Variants in CCNH observed in about 807,000 individuals in gnomAD.
The protein encoded by CCNH is cyclin-H.
Under a neutral mutation model 41.9 loss-of-function variants are expected in CCNH, and 31 were observed. The ratio of observed to expected loss-of-function variants is 0.74; its 90% CI spans 0.56 to 1.00. The LOEUF is 1.00. Ranked by LOEUF, CCNH falls within the 50% of genes least tolerant of loss-of-function variation. The probability of loss-of-function intolerance (pLI) is 0.00; values close to 1 mark genes in which losing one functional copy is unlikely to be tolerated. For synonymous variants in CCNH, 138 were observed against 136.1 expected (o/e 1.01, Z -0.10); for missense variants, 362 against 388.4 (o/e 0.93, Z 0.57).
At chr5:87,354,141 G>T (rs1172394101) in intron 9 of CCNH, among the ~76,000 whole-genome samples, 1 of 151,822 alleles carries the variant, frequency 6.6e-6, no homozygotes, top group Non-Finnish European at 1.5e-5. Context: ...TTGGTGGGGG[G>T]TGGGGTGGGA....
At chr5:87,346,347 A>G (rs889953779) in intron 9 of CCNH, among the ~76,000 whole-genome samples, 1 of 151,460 alleles carries the variant, frequency 6.6e-6, no homozygotes, top group Non-Finnish European at 1.5e-5. Flanking sequence ...TATCTGTACT[A>G]CTCCTCCTTC....
chr5:87,388,422 C>A (rs1194277195), downstream of CCNH, among the ~76,000 whole-genome samples: 1 of 152,130 alleles, frequency 6.6e-6, no homozygotes, highest in African/African-American at 2.4e-5. Context: ...AATCTGAAAT[C>A]TGAAATGCTA....
intron 9 of CCNH, chr5:87,349,390 T>TC: frequency 1.2e-6 from 2 of 1,609,592 alleles, no homozygotes; most frequent in East Asian, 4.5e-5. Context: ...TTAGCTATCT[T>TC]TTACTTTTCG....
At chr5:87,383,607 T>C (rs574278449) in intron 9 of CCNH, 81 of 794,682 alleles carry the variant, frequency 1.0e-4, no homozygotes, top group Middle Eastern at 7.4e-4. Context: ...GTGAATTTTA[T>C]GGGTTCTATG....
chr5:87,333,454 A>G (rs1757740998), intron 9 of CCNH: 3 of 1,469,598 alleles, frequency 2.0e-6, no homozygotes, highest in Non-Finnish European at 2.7e-6. Context: ...GCAAGGTGAA[A>G]GAGCTTTTGA....
chr5:87,312,422 TA>T, the CCNH span, among the ~76,000 whole-genome samples: 1 of 152,248 alleles, frequency 6.6e-6, no homozygotes, highest in Non-Finnish European at 1.5e-5. Context: ...TATTAACAGT[TA>T]CTCCATTATG....
intron 9 of CCNH, among the ~76,000 whole-genome samples, chr5:87,354,523 C>A (rs1759509347): frequency 1.3e-5 from 2 of 152,144 alleles, no homozygotes; most frequent in Admixed American, 1.3e-4. Context: ...TATGTTCTGA[C>A]TGCTTCATTG....
At chr5:87,333,457 G>A in intron 9 of CCNH, 1 of 1,454,686 alleles carries the variant, frequency 6.9e-7, no homozygotes, top group Non-Finnish European at 9.2e-7. Flanking sequence ...AGGTGAAAGA[G>A]CTTTTGATAT....
intron 9 of CCNH, among the ~76,000 whole-genome samples, chr5:87,334,738 G>A (rs1016538441): frequency 3.3e-5 from 5 of 152,192 alleles, no homozygotes; most frequent in African/African-American, 9.6e-5. Flanking sequence ...GTTGATGAGG[G>A]AGTAAAAAAT....
chr5:87,333,358 A>G, intron 9 of CCNH: 1 of 1,609,000 alleles, frequency 6.2e-7, no homozygotes, highest in African/African-American at 1.3e-5. Flanking sequence ...ATCTATTCTC[A>G]TGTATAGGCA....
At position 87,412,763 on chromosome 5, in the gene CCNH, C is replaced by T; in HGVS notation, c.32G>A (p.Trp11Ter). The change falls in exon 1 of 9, where the codon TGG becomes TAG. Residue 11 changes from tryptophan to a stop codon, truncating the protein, a stop_gained. Transcript: ENST00000256897. LOFTEE classifies it high-confidence loss of function. MYHNSSQKRH[W>*]TFSSEEQLAR... ...CAGCTGCTCCTCGCTGGAGAAGGTC[C>T]AGTGCCGCTTCTGACTACTGTTGTG... The T allele has an allele frequency of 6.2e-7, 1 of 1,614,228 alleles. No individual in the cohort carries two copies. The highest frequency in any genetic ancestry group is 1.7e-5 in the Admixed American group (1 of 60,026).
intron 2 of CCNH, 60 bp downstream of exon 2, chr5:87,411,164 A>G (rs1764205515): frequency 6.6e-7 from 1 of 1,514,800 alleles, no homozygotes; most frequent in Non-Finnish European, 8.9e-7. Flanking sequence ...GGAATTTAGA[A>G]GAGGTCAAAT....
Position 87,349,302 on chromosome 5 carries a change from G to A in CCNH, c.*91-30405C>T. ...ATTTCCGGACCAATGAAAATATTCA[G>A]CGATTTAAAATATGTCCAACGCCAA... is the stretch of plus-strand genomic sequence containing the variant. On this transcript the variant is annotated intron_variant and NMD_transcript_variant, in intron 9 of 9. Transcript: ENST00000645953. 6.2e-7 allele frequency: 1 copy of A among 1,612,154 alleles called. No individual in the cohort carries two copies. Among genetic ancestry groups the A allele is most frequent in the Non-Finnish European group, 8.5e-7 (1 of 1,178,824 alleles).
At chr5:87,348,910 G>C (rs1446269169) in intron 9 of CCNH, among the ~76,000 whole-genome samples, 2 of 151,958 alleles carry the variant, frequency 1.3e-5, no homozygotes, top group African/African-American at 4.8e-5. Flanking sequence ...CTATGCTTAG[G>C]TTCCTTCCAA....
chr5:87,372,038 T>C (rs200875735), downstream of CCNH: 1 of 799,726 alleles, frequency 1.3e-6, no homozygotes, highest in African/African-American at 4.3e-5. Flanking sequence ...TTGTTGAATT[T>C]GAAAAAAAAA....
intron 9 of CCNH, among the ~76,000 whole-genome samples, chr5:87,337,163 T>C (rs1758037203): frequency 6.6e-6 from 1 of 152,120 alleles, no homozygotes; most frequent in Non-Finnish European, 1.5e-5. Flanking sequence ...ATGCATTCTT[T>C]TAAGCCTGAA....
At chr5:87,350,995 T>C (rs1181302372) in intron 9 of CCNH, among the ~76,000 whole-genome samples, 2 of 151,700 alleles carry the variant, frequency 1.3e-5, no homozygotes, top group Non-Finnish European at 3.0e-5. Flanking sequence ...TTTGTGCTTA[T>C]TGTTTATTGT....
the CCNH span, among the ~76,000 whole-genome samples, chr5:87,311,621 TGCCGCTCAC>T: frequency 6.6e-6 from 1 of 152,200 alleles, no homozygotes; most frequent in East Asian, 1.9e-4. Flanking sequence ...AGTGCTTAAC[TGCCGCTCAC>T]AGCAGCAGTA....
At chr5:87,388,227 T>A (rs1762202311), downstream of CCNH, among the ~76,000 whole-genome samples, 1 of 152,230 alleles carries the variant, frequency 6.6e-6, no homozygotes, top group African/African-American at 2.4e-5. Flanking sequence ...CTTTAATCAC[T>A]GAATGTATTC....
Sources: gnomAD v4.1 joint callset for allele counts (sites outside exome capture counted in the v4.1 genomes callset) on GRCh38, gnomAD v4.1.1 for gene constraint, MANE v1.5 for transcripts, NCBI Gene and HGNC (gene_info 2026-07-23, HGNC 2026-07-21) for gene names.